Variants in COL4A1 observed in about 807,000 individuals in gnomAD.
The protein encoded by COL4A1 is collagen type IV alpha 1 chain, also known as collagen alpha-1(IV) chain.
In COL4A1, 40 loss-of-function variants were observed where a neutral mutation model predicts 216.6. The ratio of observed to expected loss-of-function variants is 0.18; its 90% CI spans 0.14 to 0.24. COL4A1 has a LOEUF of 0.24. COL4A1 is among the 10% of genes least tolerant of loss of function. COL4A1 has a pLI of 1.00. For missense variants in COL4A1, 1,628 were observed against 2,196.8 expected, an observed-to-expected ratio of 0.74 and a Z score of 5.18; for synonymous variants, 839 against 810.7, an observed-to-expected ratio of 1.03 and a Z score of -0.59.
rs1436175370 is a variant in COL4A1 at position 110,178,921 on chromosome 13, A to G, written c.2458+2T>C. The G allele has an allele frequency of 7.5e-6, 12 of 1,606,246 alleles. No homozygotes were observed. The highest frequency in any genetic ancestry group is 1.3e-5 in the African/African-American group (1 of 74,774). On this transcript the variant is annotated splice_donor_variant, in intron 31 of 51. Transcript: ENST00000375820. LOFTEE classifies it high-confidence loss of function. Reference sequence around the variant, plus strand: ...AGATAATTCTAGAAGCATGTCACTCACCTGACAACCCCGGTGGTCCCTGTC... The same window carrying G: ...AGATAATTCTAGAAGCATGTCACTCGCCTGACAACCCCGGTGGTCCCTGTC...
At chr13:110,178,441 C>T (rs1877988340) in intron 31 of COL4A1, among the ~76,000 whole-genome samples, 1 of 152,202 alleles carries the variant, frequency 6.6e-6, no homozygotes, top group Non-Finnish European at 1.5e-5. Context: ...CTCCCCTTTC[C>T]TGTCATTGAG....
intron 21 of COL4A1, 123 bp downstream of exon 21, chr13:110,198,344 A>G (rs1879002262): frequency 2.0e-6 from 2 of 1,008,086 alleles, no homozygotes; most frequent in South Asian, 3.0e-5. Flanking sequence ...GGATGATTAG[A>G]AGAATCCACG....
chr13:110,198,898 G>C (rs1218343045), intron 20 of COL4A1, among the ~76,000 whole-genome samples: 12 of 152,200 alleles, frequency 7.9e-5, no homozygotes, highest in Admixed American at 6.5e-5. Context: ...AGTGCAAATA[G>C]TATTCCCAAC....
intron 44 of COL4A1, among the ~76,000 whole-genome samples, chr13:110,166,520 T>C (rs2139151023): frequency 6.6e-6 from 1 of 152,338 alleles, no homozygotes; most frequent in African/African-American, 2.4e-5. Flanking sequence ...TACACACATA[T>C]ATGCATATAT....
At chr13:110,254,625 G>T (rs652211) in intron 1 of COL4A1, among the ~76,000 whole-genome samples, 145,929 of 152,280 alleles carry the variant, frequency 0.96, 70,250 homozygotes, top group East Asian at 1. Context: ...GGTGGCAGTA[G>T]GACCACTTTT....
intron 1 of COL4A1, among the ~76,000 whole-genome samples, chr13:110,296,551 CACA>C (rs1172547966): frequency 6.6e-6 from 1 of 152,228 alleles, no homozygotes; most frequent in African/African-American, 2.4e-5. Context: ...CCTCTGCTCT[CACA>C]ACAAGCTTCT....
intron 2 of COL4A1, among the ~76,000 whole-genome samples, chr13:110,219,133 T>G (rs1846629597): frequency 6.6e-6 from 1 of 152,132 alleles, no homozygotes; most frequent in African/African-American, 2.4e-5. Flanking sequence ...GGGAGCTCCC[T>G]CCACACCATG....
chr13:110,258,982 G>A (rs754606409), intron 1 of COL4A1, among the ~76,000 whole-genome samples: 30 of 152,166 alleles, frequency 2.0e-4, no homozygotes, highest in Admixed American at 5.2e-4. Context: ...CTCATTCACC[G>A]GCGATCCTGA....
chr13:110,177,717 T>G, intron 33 of COL4A1, 125 bp downstream of exon 33: 1 of 963,824 alleles, frequency 1.0e-6, no homozygotes, highest in Non-Finnish European at 1.6e-6. Flanking sequence ...GCCTTCTGCT[T>G]GATGTTCCTA....
chr13:110,205,213 A>T, intron 17 of COL4A1, 140 bp downstream of exon 17: 1 of 953,248 alleles, frequency 1.0e-6, no homozygotes, highest in Non-Finnish European at 1.6e-6. Context: ...GGAAACCACT[A>T]AATTGTGTTT....
chr13:110,272,623 A>G lies in COL4A1; in HGVS notation c.85-29889T>C, dbSNP rs12583677. ...AGCATTGCACACATGGATGTTCCACAATGGTGACACTTCGCTACAAATGAA... is the reference window on the plus strand; with the variant it reads ...AGCATTGCACACATGGATGTTCCACGATGGTGACACTTCGCTACAAATGAA... On this transcript the variant is annotated intron_variant, in intron 1 of 51. Coordinates refer to ENST00000375820, the MANE Select transcript of COL4A1 (RefSeq NM_001845.6). 2.1e-4 allele frequency among the ~76,000 whole-genome samples: 32 copies of G among 152,356 alleles called. No homozygotes were observed. In the East Asian group the frequency reaches 5.8e-3, roughly 28 times the overall value.
Position 110,174,620 on chromosome 13 carries a change from T to A in COL4A1, c.3325+3A>T, listed in dbSNP as rs1333818570. On this transcript the variant is annotated splice_donor_region_variant and intron_variant, in intron 38 of 51. Transcript: ENST00000375820. Reference sequence around the variant, plus strand: ...AAGTCCAAGAGAAGCCCCCCTCACCTACCTGGATAGCCAACACTCCCGGGA... The same window carrying A: ...AAGTCCAAGAGAAGCCCCCCTCACCAACCTGGATAGCCAACACTCCCGGGA... 4 of 1,614,152 alleles carry A rather than the reference T, an allele frequency of 2.5e-6. No individual in the cohort carries two copies. The highest frequency in any genetic ancestry group is 3.4e-6 in the Non-Finnish European group (4 of 1,180,014).
At chr13:110,300,680 G>T (rs7991478) in intron 1 of COL4A1, among the ~76,000 whole-genome samples, 30,273 of 152,214 alleles carry the variant, frequency 0.2, 3,154 homozygotes, top group East Asian at 0.26. Flanking sequence ...CTCACGGCCA[G>T]TATCTCTGGC....
chr13:110,293,974 T>G (rs1403655882), intron 1 of COL4A1, among the ~76,000 whole-genome samples: 2 of 152,220 alleles, frequency 1.3e-5, no homozygotes, highest in Non-Finnish European at 2.9e-5. Context: ...AGGTTTCTTT[T>G]GCCCAGGAAA....
chr13:110,151,629 G>A (rs1426632038), intron 51 of COL4A1, among the ~76,000 whole-genome samples: 1 of 152,196 alleles, frequency 6.6e-6, no homozygotes, highest in African/African-American at 2.4e-5. Flanking sequence ...GGGGTGAGAA[G>A]CGCTTGTTTT....
chr13:110,210,787 T>C (rs1175233476), intron 8 of COL4A1, among the ~76,000 whole-genome samples: 4 of 152,070 alleles, frequency 2.6e-5, no homozygotes, highest in Admixed American at 6.6e-5. Context: ...ATCCCATCAG[T>C]TGAAGGTCTT....
chr13:110,172,007 G>T lies in COL4A1; in HGVS notation c.3556+713C>A, dbSNP rs561700149. Among the ~76,000 whole-genome samples the T allele has an allele frequency of 2.0e-5, 3 of 152,368 alleles. No homozygotes were observed. In the East Asian group the frequency reaches 5.8e-4, roughly 29 times the overall value. ...CTGGTCTCGGGGAGAACCAGGGGGTGGGAGAAACAACACCTCCGTGCCCCT... is the reference window on the plus strand; with the variant it reads ...CTGGTCTCGGGGAGAACCAGGGGGTTGGAGAAACAACACCTCCGTGCCCCT... On this transcript the variant is annotated intron_variant, in intron 41 of 51. Transcript: ENST00000375820.
intron 44 of COL4A1, 95 bp downstream of exon 44, chr13:110,167,063 C>A: frequency 1.1e-6 from 1 of 948,804 alleles, no homozygotes; most frequent in African/African-American, 1.6e-5. Flanking sequence ...ATAATGGCAG[C>A]GGTGCTATCA....
intron 19 of COL4A1, 147 bp downstream of exon 19, chr13:110,201,270 GAGGAGGGGGAGGAGGAAGAGA>G (rs1462861847): frequency 8.0e-5 from 35 of 437,302 alleles, no homozygotes; most frequent in South Asian, 3.0e-4. Context: ...GGAGAAAGAG[GAGGAGGGGGAGGAGGAAGAGA>G]AGGAGGGGGC....
Sources: gnomAD v4.1 joint callset for allele counts (sites outside exome capture counted in the v4.1 genomes callset) on GRCh38, gnomAD v4.1.1 for gene constraint, MANE v1.5 for transcripts, NCBI Gene and HGNC (gene_info 2026-07-23, HGNC 2026-07-21) for gene names.